Variants in CHRM2 observed in about 807,000 individuals in gnomAD.
CHRM2 encodes muscarinic acetylcholine receptor M2.
In CHRM2, 8 loss-of-function variants were observed where a neutral mutation model predicts 25.0. The observed-to-expected ratio is 0.32, with a 90% CI of 0.19 to 0.58. CHRM2 has a LOEUF of 0.58. Among genes scored for constraint, CHRM2 ranks in the 20% least tolerant of loss-of-function variants. CHRM2 has a pLI of 0.88. For missense variants in CHRM2, 440 were observed against 567.1 expected (o/e 0.78, Z 2.28); for synonymous variants, 202 against 205.7 (o/e 0.98, Z 0.15).
rs148488318 is a variant in CHRM2 at position 136,937,647 on chromosome 7, T to C, written c.-124-54540T>C. ...GTGTTAAACACAACATCTGGTTCAG[T>C]ATAATTAGGTTTTCAAGTAAGTTGA... On this transcript the variant is annotated intron_variant, in intron 2 of 3. Transcript: ENST00000680005. Among the ~76,000 whole-genome samples, 16 of 152,286 alleles carry C rather than the reference T, an allele frequency of 1.1e-4. No homozygotes were observed. In the East Asian group the frequency reaches 3.1e-3, roughly 29 times the overall value.
Position 136,981,681 on chromosome 7 carries a change from A to T in CHRM2, c.-124-10506A>T, listed in dbSNP as rs1403315719. 2.6e-5 allele frequency among the ~76,000 whole-genome samples: 4 copies of T among 152,036 alleles called. No individual in the cohort carries two copies. In the East Asian group the frequency reaches 7.7e-4, roughly 29 times the overall value. On this transcript the variant is annotated intron_variant, in intron 2 of 3. Transcript: ENST00000680005. ...CTCATTGGTTTCAAAGAACTTATTT[A>T]TTTCTACCTTAATTTCGCTATTTAC... is the stretch of plus-strand genomic sequence containing the variant.
intron 2 of CHRM2, among the ~76,000 whole-genome samples, chr7:136,951,778 T>C (rs896520475): frequency 2.0e-5 from 3 of 152,186 alleles, no homozygotes; most frequent in Non-Finnish European, 4.4e-5. Context: ...TTGTATGGTA[T>C]GGTGAATTGA....
chr7:136,966,796 A>G (rs1584842490), intron 2 of CHRM2, among the ~76,000 whole-genome samples: 1 of 152,000 alleles, frequency 6.6e-6, no homozygotes, highest in African/African-American at 2.4e-5. Flanking sequence ...AATTAAATCT[A>G]GATATTAAAA....
chr7:136,949,459 T>TAAAAAAAAAAAAAAAAAAACAAAA (rs386411435), intron 2 of CHRM2, among the ~76,000 whole-genome samples: 1 of 120,856 alleles, frequency 8.3e-6, no homozygotes, highest in African/African-American at 3.3e-5. Flanking sequence ...TCTGCAAAAC[T>TAAAAAAAAAAAAAAAAAAACAAAA]AAAAAAAAAA....
At chr7:136,908,272 G>C (rs1375886768) in intron 2 of CHRM2, among the ~76,000 whole-genome samples, 1 of 151,846 alleles carries the variant, frequency 6.6e-6, no homozygotes, top group Non-Finnish European at 1.5e-5. Context: ...TGAGTCTTTA[G>C]TAATTTGCTC....
chr7:136,984,849 T>G (rs1285412957), intron 2 of CHRM2, among the ~76,000 whole-genome samples: 1 of 152,094 alleles, frequency 6.6e-6, no homozygotes, highest in East Asian at 1.9e-4. Flanking sequence ...GCCTTCTGCG[T>G]TGGTCTCGCT....
At chr7:136,938,559 C>T (rs1584789069) in intron 2 of CHRM2, 9 of 909,094 alleles carry the variant, frequency 9.9e-6, no homozygotes, top group Admixed American at 5.1e-5. Context: ...CCTCCCATGC[C>T]GCTGGCCCCA....
At chr7:136,883,472 C>G (rs1445192898) in intron 2 of CHRM2, among the ~76,000 whole-genome samples, 1 of 151,942 alleles carries the variant, frequency 6.6e-6, no homozygotes, top group African/African-American at 2.4e-5. Context: ...TAAAAACAGT[C>G]GTAGCTTATT....
intron 2 of CHRM2, among the ~76,000 whole-genome samples, chr7:136,974,392 C>G (rs192228474): frequency 6.6e-6 from 1 of 152,094 alleles, no homozygotes; most frequent in Admixed American, 6.5e-5. Context: ...CAGAAGAAAT[C>G]TGTTACAATG....
At chr7:136,970,615 G>C (rs1323475459) in intron 2 of CHRM2, among the ~76,000 whole-genome samples, 2 of 152,058 alleles carry the variant, frequency 1.3e-5, no homozygotes, top group Admixed American at 1.3e-4. Context: ...ATAATTGCTT[G>C]CTTGAATCAC....
intron 2 of CHRM2, among the ~76,000 whole-genome samples, chr7:136,965,314 T>A (rs540712523): frequency 4.9e-4 from 75 of 152,122 alleles, no homozygotes; most frequent in African/African-American, 1.7e-3. Flanking sequence ...ATCTAAAATC[T>A]GAAAGAAATG....
At chr7:136,979,958 G>A (rs916583487) in intron 2 of CHRM2, among the ~76,000 whole-genome samples, 13 of 152,128 alleles carry the variant, frequency 8.5e-5, no homozygotes, top group African/African-American at 2.7e-4. Flanking sequence ...AAAATTTAAA[G>A]TAGTTTTTTC....
At chr7:136,886,043 C>T (rs1174981641) in intron 2 of CHRM2, among the ~76,000 whole-genome samples, 4 of 152,166 alleles carry the variant, frequency 2.6e-5, no homozygotes, top group Non-Finnish European at 5.9e-5. Flanking sequence ...TATACCTATC[C>T]TGTTGGCTAG....
intron 2 of CHRM2, chr7:136,898,749 G>T (rs911570775): frequency 6.6e-6 from 1 of 151,938 alleles, no homozygotes; most frequent in African/African-American, 2.4e-5. Context: ...GTAAACAAAT[G>T]ATGCTATAAT....
intron 2 of CHRM2, among the ~76,000 whole-genome samples, chr7:136,942,659 G>A (rs763726171): frequency 6.6e-6 from 1 of 152,056 alleles, no homozygotes; most frequent in Non-Finnish European, 1.5e-5. Flanking sequence ...CACCTTCACT[G>A]TCAGGGAAGA....
intron 2 of CHRM2, among the ~76,000 whole-genome samples, chr7:136,921,786 C>CTTTTTTTTTTTTTTTTTTTTTTTT (rs1485518823): frequency 9.1e-6 from 1 of 110,490 alleles, no homozygotes; most frequent in Non-Finnish European, 2.4e-5. Flanking sequence ...TTCTTTCTTT[C>CTTTTTTTTTTTTTTTTTTTTTTTT]TTTCTTTCTT....
intron 2 of CHRM2, among the ~76,000 whole-genome samples, chr7:136,988,589 C>T (rs1437520258): frequency 6.6e-6 from 1 of 152,098 alleles, no homozygotes; most frequent in African/African-American, 2.4e-5. Context: ...TCCAATGGTA[C>T]CGTCAGCTTC....
Position 137,015,725 on chromosome 7 carries a change from C to T in CHRM2, c.860C>T (p.Thr287Ile), listed in dbSNP as rs138193709. The change falls in exon 4 of 4, where the codon ACC becomes ATC. Residue 287 changes from threonine to isoleucine, a missense_variant. By Grantham distance (89) the Thr-to-Ile change is moderately conservative. This residue lies in a region of CHRM2 where 261 missense variants were observed against 261.8 expected (regional missense o/e 1.00). Transcript: ENST00000680005. This position sits in a 1 kb window ranked among gnomAD's most constrained non-coding sequence, Gnocchi z 5.1. ...GAGAAGGAGAGCTCCAATGACTCCACCTCAGTCAGTGCTGTTGCCTCTAAT... is the reference window on the plus strand; with the variant it reads ...GAGAAGGAGAGCTCCAATGACTCCATCTCAGTCAGTGCTGTTGCCTCTAAT... ...GEEKESSNDS[T>I]SVSAVASNMR... The T allele has an allele frequency of 6.2e-7, 1 of 1,613,282 alleles. No individual in the cohort carries two copies. Among genetic ancestry groups the T allele is most frequent in the South Asian group, 1.1e-5 (1 of 91,070 alleles).
intron 2 of CHRM2, among the ~76,000 whole-genome samples, chr7:136,903,974 T>C (rs1263876520): frequency 6.6e-6 from 1 of 151,970 alleles, no homozygotes; most frequent in Non-Finnish European, 1.5e-5. Context: ...CTGATACTAA[T>C]ACATTTCTAA....
Sources: allele counts gnomAD v4.1 joint callset (sites outside exome capture counted in the v4.1 genomes callset), GRCh38; gene constraint gnomAD v4.1.1; regional missense constraint gnomAD v4.1.1; non-coding constraint Gnocchi (gnomAD v3.1); transcripts MANE v1.5; gene names NCBI Gene and HGNC (gene_info 2026-07-23, HGNC 2026-07-21).